Variants in MBOAT2 observed in about 807,000 individuals in gnomAD.
MBOAT2 encodes the protein membrane-bound glycerophospholipid O-acyltransferase 2.
A neutral mutation model predicts 63.4 loss-of-function variants in MBOAT2; 28 were observed. That is an observed-to-expected ratio of 0.44 (90% CI 0.33 to 0.61). The LOEUF is 0.61. Ranked by LOEUF, MBOAT2 falls within the 20% of genes least tolerant of loss-of-function variation. MBOAT2 has a pLI of 0.03. For missense variants in MBOAT2, 470 were observed against 605.8 expected (o/e 0.78, Z 2.35); for synonymous variants, 211 against 215.6 (o/e 0.98, Z 0.19).
chr2:8,901,290 A>G (rs1664903868), intron 4 of MBOAT2, among the ~76,000 whole-genome samples: 1 of 152,200 alleles, frequency 6.6e-6, no homozygotes, highest in African/African-American at 2.4e-5. Flanking sequence ...CAGCAGAAAC[A>G]TTAGTTTTCC....
At chr2:8,872,469 G>C (rs1488693067) in intron 8 of MBOAT2, among the ~76,000 whole-genome samples, 2 of 152,038 alleles carry the variant, frequency 1.3e-5, no homozygotes, top group African/African-American at 2.4e-5. Context: ...TTTGTAGAGA[G>C]AGGGGTCTCA....
At chr2:8,873,080 CAG>C (rs1275191966) in intron 8 of MBOAT2, 26 bp downstream of exon 8, 15 of 1,597,380 alleles carry the variant, frequency 9.4e-6, no homozygotes, top group Admixed American at 1.7e-5. Context: ...CAACCAGACA[CAG>C]GGAAATCTAT....
At chr2:8,967,024 T>C (rs1209354746) in intron 1 of MBOAT2, among the ~76,000 whole-genome samples, 1 of 152,228 alleles carries the variant, frequency 6.6e-6, no homozygotes, top group African/African-American at 2.4e-5. Flanking sequence ...ATGAAGAAAC[T>C]ATAATTTCTA....
At chr2:8,904,989 T>C (rs1399872436) in intron 4 of MBOAT2, among the ~76,000 whole-genome samples, 1 of 152,144 alleles carries the variant, frequency 6.6e-6, no homozygotes, top group Non-Finnish European at 1.5e-5. Context: ...AACCTAACAA[T>C]TTACACATAC....
At chr2:8,973,005 C>A (rs1279272763) in intron 1 of MBOAT2, among the ~76,000 whole-genome samples, 1 of 152,162 alleles carries the variant, frequency 6.6e-6, no homozygotes, top group African/African-American at 2.4e-5. Flanking sequence ...TTGACCCAGC[C>A]ATCCCATTAC....
rs766778898 is a variant in MBOAT2, at chr2:8,877,030, A to G, written c.690T>C (p.Asn230=). 22 of 1,606,260 alleles carry G rather than the reference A, an allele frequency of 1.4e-5. No homozygotes were observed. The East Asian group carries it at 4.3e-4, about 31-fold the overall frequency. Residue 230 remains asparagine (N), a splice_region_variant and synonymous_variant, in exon 7 of 13, where the codon AAT becomes AAC. Transcript: ENST00000305997. The part of the protein sequence containing the change: ...TQYERTEPSP[N]TAVVQKLLVC... ...CTCCAGATAAATCTCATGACCTTAC[A>G]TTTGGAGATGGCTCTGTTCTTTCAT...
chr2:8,956,290 T>C (rs1669217719), intron 2 of MBOAT2, among the ~76,000 whole-genome samples: 1 of 152,226 alleles, frequency 6.6e-6, no homozygotes, highest in South Asian at 2.1e-4. Context: ...TAATTCCAGT[T>C]AGCAAAGAGT....
chr2:8,930,017 T>C (rs955965250), intron 3 of MBOAT2, among the ~76,000 whole-genome samples: 1 of 152,198 alleles, frequency 6.6e-6, no homozygotes, highest in Non-Finnish European at 1.5e-5. Flanking sequence ...AAAAGGAATG[T>C]TAAAAGCCCA....
chr2:8,968,775 A>G (rs1361014290), intron 1 of MBOAT2, among the ~76,000 whole-genome samples: 1 of 152,232 alleles, frequency 6.6e-6, no homozygotes, highest in Non-Finnish European at 1.5e-5. Context: ...AAGAAAGGGT[A>G]TCAGTGATTG....
intron 1 of MBOAT2, among the ~76,000 whole-genome samples, chr2:8,972,304 T>C (rs943927726): frequency 2.0e-5 from 3 of 152,246 alleles, no homozygotes; most frequent in Non-Finnish European, 4.4e-5. Flanking sequence ...CTGGAAAAAC[T>C]GGCTAGCCAT....
intron 2 of MBOAT2, among the ~76,000 whole-genome samples, chr2:8,953,295 C>T (rs1444274407): frequency 1.3e-5 from 2 of 152,196 alleles, no homozygotes; most frequent in African/African-American, 4.8e-5. Flanking sequence ...TCCAATCTGT[C>T]CTGGCTTGTA....
At chr2:8,962,524 G>T (rs915497750) in intron 1 of MBOAT2, among the ~76,000 whole-genome samples, 1 of 152,134 alleles carries the variant, frequency 6.6e-6, no homozygotes, top group Non-Finnish European at 1.5e-5. Context: ...CTTCAGAGTT[G>T]TTCTATCTGC....
chr2:8,965,304 T>C lies in MBOAT2; in HGVS notation c.76-6662A>G, dbSNP rs1392727127. 2.0e-5 allele frequency among the ~76,000 whole-genome samples: 3 copies of C among 152,190 alleles called. No individual in the cohort carries two copies. The East Asian group carries it at 5.8e-4, about 29-fold the overall frequency. On this transcript the variant is annotated intron_variant, in intron 1 of 12. Coordinates refer to ENST00000305997, the MANE Select transcript of MBOAT2 (RefSeq NM_138799.4). ...CCTTAGCGCTCCCAGTGCTAACATT[T>C]TCCATTCCTGTGTAATAAATTTTAT...
At chr2:8,929,018 C>T (rs769977259) in intron 3 of MBOAT2, among the ~76,000 whole-genome samples, 4 of 151,988 alleles carry the variant, frequency 2.6e-5, no homozygotes, top group Non-Finnish European at 4.4e-5. Flanking sequence ...CAGATAAGCC[C>T]GCAAACTGAA....
intron 1 of MBOAT2, among the ~76,000 whole-genome samples, chr2:8,973,467 A>G (rs1481512633): frequency 6.6e-6 from 1 of 151,870 alleles, no homozygotes; most frequent in Non-Finnish European, 1.5e-5. Flanking sequence ...ATGTATACAT[A>G]TGTAACAAAC....
chr2:8,946,249 C>T (rs2103246480), intron 2 of MBOAT2, among the ~76,000 whole-genome samples: 1 of 152,266 alleles, frequency 6.6e-6, no homozygotes, highest in Admixed American at 6.5e-5. Context: ...ATAACATGTC[C>T]AAAGTCATAC....
At chr2:8,899,282 T>C (rs1018139367) in intron 4 of MBOAT2, among the ~76,000 whole-genome samples, 2 of 152,212 alleles carry the variant, frequency 1.3e-5, no homozygotes, top group Admixed American at 6.5e-5. Flanking sequence ...GGTGTGGGAC[T>C]TTCAGGCATA....
intron 3 of MBOAT2, among the ~76,000 whole-genome samples, chr2:8,937,712 G>A (rs753513524): frequency 3.9e-5 from 6 of 152,108 alleles, no homozygotes; most frequent in East Asian, 3.9e-4. Context: ...GGAAGGAAGC[G>A]CAGTCATGGA....
intron 1 of MBOAT2, among the ~76,000 whole-genome samples, chr2:8,959,752 C>T (rs949278523): frequency 6.6e-6 from 1 of 152,134 alleles, no homozygotes; most frequent in Non-Finnish European, 1.5e-5. Flanking sequence ...CATGAACAAT[C>T]ACACCTGGCC....
Sources: allele counts gnomAD v4.1 joint callset (sites outside exome capture counted in the v4.1 genomes callset), GRCh38; gene constraint gnomAD v4.1.1; transcripts MANE v1.5; gene names NCBI Gene and HGNC (gene_info 2026-07-23, HGNC 2026-07-21).